The following AMPH variants were observed in gnomAD, a reference collection of about 807,000 sequenced individuals.
AMPH encodes the protein amphiphysin (Stiff-Mann syndrome with breast cancer 128kD autoantigen).
A neutral mutation model predicts 99.1 loss-of-function variants in AMPH; 49 were observed. The observed-to-expected ratio is 0.49, with a 90% CI of 0.39 to 0.63. The LOEUF is 0.63. Among genes scored for constraint, AMPH ranks in the 20% least tolerant of loss-of-function variants. The pLI, the probability that AMPH is intolerant of heterozygous loss-of-function variation, is 0.00. For synonymous variants in AMPH, 314 were observed against 317.3 expected, an observed-to-expected ratio of 0.99 and a Z score of 0.11; for missense variants, 759 against 863.4, an observed-to-expected ratio of 0.88 and a Z score of 1.52.
chr7:38,622,454 TAC>T (rs57860314), intron 1 of AMPH, among the ~76,000 whole-genome samples: 23,769 of 149,702 alleles, frequency 0.16, 2,182 homozygotes, highest in Non-Finnish European at 0.19. Context: ...TATGAATACA[TAC>T]ACACACACAC....
chr7:38,452,493 T>A (rs1038486883), intron 11 of AMPH, among the ~76,000 whole-genome samples: 1 of 152,234 alleles, frequency 6.6e-6, no homozygotes, highest in African/African-American at 2.4e-5. Flanking sequence ...TTATAATACG[T>A]AGCTCGACCT....
intron 2 of AMPH, among the ~76,000 whole-genome samples, 159 bp downstream of exon 2, chr7:38,534,772 G>A (rs527437050): frequency 1.8e-4 from 27 of 152,232 alleles, no homozygotes; most frequent in Admixed American, 9.8e-4. Flanking sequence ...CTCTTTCCCC[G>A]TCTTCAATAG....
chr7:38,415,877 T>A (rs1785368049), intron 17 of AMPH, among the ~76,000 whole-genome samples: 1 of 151,960 alleles, frequency 6.6e-6, no homozygotes, highest in Non-Finnish European at 1.5e-5. Context: ...GAATCCTTCA[T>A]TAGACTGTAA....
chr7:38,409,843 T>C (rs1295176675), intron 17 of AMPH, among the ~76,000 whole-genome samples: 4 of 152,238 alleles, frequency 2.6e-5, no homozygotes, highest in African/African-American at 9.6e-5. Flanking sequence ...GCCTTTAAGT[T>C]TGTGTCAGTA....
At chr7:38,569,315 A>G (rs1022212202) in intron 1 of AMPH, among the ~76,000 whole-genome samples, 9 of 152,066 alleles carry the variant, frequency 5.9e-5, no homozygotes, top group Non-Finnish European at 8.8e-5. Context: ...TGCAATTTAC[A>G]ATCATAAAAA....
At chr7:38,497,826 G>A (rs1409052216) in intron 3 of AMPH, among the ~76,000 whole-genome samples, 3 of 152,190 alleles carry the variant, frequency 2.0e-5, no homozygotes, top group Non-Finnish European at 4.4e-5. Flanking sequence ...AAAATAGGCA[G>A]TTGGTGAGGT....
chr7:38,409,574 C>A (rs911259156), intron 17 of AMPH, among the ~76,000 whole-genome samples: 2 of 152,182 alleles, frequency 1.3e-5, no homozygotes. Flanking sequence ...TCATTTGACA[C>A]ATTTATGCGC....
chr7:38,494,487 A>G lies in AMPH; in HGVS notation c.246T>C (p.His82=). Residue 82 remains histidine, a synonymous_variant, in exon 4 of 21, where the codon CAT becomes CAC. Transcript: ENST00000356264. ...EASMKLTESL[H]EVYEPDWYGR... is the part of the protein sequence containing the mutation. Reference sequence around the variant, plus strand: ...CATACCAGTCAGGCTCATAGACTTCATGCAGCGACTCTGTGAGCTTCATGG... The same window carrying G: ...CATACCAGTCAGGCTCATAGACTTCGTGCAGCGACTCTGTGAGCTTCATGG... 1.9e-6 allele frequency: 3 copies of G among 1,613,864 alleles called. No individual in the cohort carries two copies. The highest frequency in any genetic ancestry group is 1.1e-5 in the South Asian group (1 of 91,084).
intron 1 of AMPH, among the ~76,000 whole-genome samples, chr7:38,600,690 C>T (rs1054528657): frequency 1.3e-5 from 2 of 152,130 alleles, no homozygotes; most frequent in African/African-American, 2.4e-5. Flanking sequence ...TTAAACCATC[C>T]TTGCACCGAA....
Position 38,534,999 on chromosome 7 carries a change from G to A in AMPH, c.82C>T (p.Leu28=), listed in dbSNP as rs761810552. 2 of 1,613,882 alleles carry A rather than the reference G, an allele frequency of 1.2e-6. No individual in the cohort carries two copies. Among genetic ancestry groups the A allele is most frequent in the South Asian group, 2.2e-5 (2 of 91,062 alleles). ...TCTTTTGTCTCATCAGCTTTCCCCA[G>A]CTTTTGGAGGACCTAATTTGCAAAT... ...NRAQEKVLQK[L]GKADETKDEQ... The change falls in exon 2 of 21, where the codon CTG becomes TTG. Residue 28 remains leucine (L), a synonymous_variant. Coordinates refer to ENST00000356264, the MANE Select transcript of AMPH (RefSeq NM_001635.4).
rs112598045 is a variant in AMPH, at chr7:38,551,517, T to A, written c.70-16506A>T. ...TCCTATTAGGAGTCCCCAGACTTTG[T>A]TAGCATACAGTATATTTAAATTATG... is the stretch of plus-strand genomic sequence containing the variant. On this transcript the variant is annotated intron_variant, in intron 1 of 20. Coordinates refer to ENST00000356264, the MANE Select transcript of AMPH (RefSeq NM_001635.4). Among the ~76,000 whole-genome samples the A allele has an allele frequency of 4.6e-4, 70 of 152,338 alleles. 1 individual carries two copies. The Middle Eastern group carries it at 0.027, about 59-fold the overall frequency.
At chr7:38,597,505 T>C (rs960427114) in intron 1 of AMPH, among the ~76,000 whole-genome samples, 2 of 152,226 alleles carry the variant, frequency 1.3e-5, no homozygotes, top group Non-Finnish European at 2.9e-5. Context: ...AGATATGCTC[T>C]GAGGTAATTC....
At chr7:38,487,969 A>T (rs1788572278) in intron 5 of AMPH, among the ~76,000 whole-genome samples, 1 of 152,232 alleles carries the variant, frequency 6.6e-6, no homozygotes, top group Non-Finnish European at 1.5e-5. Flanking sequence ...CAAAACCACA[A>T]TGAGATACCA....
At chr7:38,624,540 T>C (rs1794179482) in intron 1 of AMPH, among the ~76,000 whole-genome samples, 1 of 141,180 alleles carries the variant, frequency 7.1e-6, no homozygotes, top group Non-Finnish European at 1.5e-5. Context: ...CTCACTACAG[T>C]CATGGTAAAA....
At chr7:38,594,157 G>C (rs1376719702) in intron 1 of AMPH, among the ~76,000 whole-genome samples, 1 of 152,130 alleles carries the variant, frequency 6.6e-6, no homozygotes, top group African/African-American at 2.4e-5. Flanking sequence ...GGGTCAGAGT[G>C]GTGAGGAGCG....
chr7:38,398,748 A>C, intron 17 of AMPH, among the ~76,000 whole-genome samples: 1 of 152,244 alleles, frequency 6.6e-6, no homozygotes, highest in East Asian at 1.9e-4. Context: ...AGATATATTT[A>C]CCCTGAGGTA....
At chr7:38,385,257 G>T (rs1017697789) in intron 20 of AMPH, among the ~76,000 whole-genome samples, 4 of 152,156 alleles carry the variant, frequency 2.6e-5, no homozygotes, top group African/African-American at 4.8e-5. Context: ...AGGAGAAAAG[G>T]ATTACAATTA....
chr7:38,429,073 C>T (rs148410804), intron 14 of AMPH: 7 of 1,290,434 alleles, frequency 5.4e-6, no homozygotes, highest in Middle Eastern at 2.1e-4. Context: ...CACGCCTCCA[C>T]ACCTGCCCAC....
chr7:38,393,685 T>C (rs1355463210), intron 18 of AMPH, among the ~76,000 whole-genome samples: 1 of 152,176 alleles, frequency 6.6e-6, no homozygotes, highest in Non-Finnish European at 1.5e-5. Context: ...CACATTCTCT[T>C]TCTCCCGGCT....
Sources: gnomAD v4.1 joint callset for allele counts (sites outside exome capture counted in the v4.1 genomes callset) on GRCh38, gnomAD v4.1.1 for gene constraint, MANE v1.5 for transcripts, NCBI Gene and HGNC (gene_info 2026-07-23, HGNC 2026-07-21) for gene names.